The following TNS3 variants were observed in gnomAD, a reference collection of about 807,000 sequenced individuals.
TNS3 encodes tensin 3, also known as tensin-3.
TNS3 carries 45 observed loss-of-function variants against 140.9 expected under a neutral mutation model. That is an observed-to-expected ratio of 0.32 (90% CI 0.25 to 0.41). TNS3 has a LOEUF of 0.41. Ranked by LOEUF, TNS3 falls within the 10% of genes least tolerant of loss-of-function variation. The probability of loss-of-function intolerance (pLI) is 1.00; values close to 1 mark genes in which losing one functional copy is unlikely to be tolerated. For missense variants in TNS3, 1,716 were observed against 1,906.7 expected (o/e 0.90, Z 1.86); for synonymous variants, 815 against 788.4 (o/e 1.03, Z -0.56).
chr7:47,409,241 G>T (rs943911954), intron 13 of TNS3, among the ~76,000 whole-genome samples: 1 of 151,956 alleles, frequency 6.6e-6, no homozygotes, highest in African/African-American at 2.4e-5. Context: ...GAGAGGAGAG[G>T]AGCCAGGCAC....
At chr7:47,398,504 CA>C (rs1425688722) in intron 15 of TNS3, among the ~76,000 whole-genome samples, 14 of 152,068 alleles carry the variant, frequency 9.2e-5, no homozygotes, top group African/African-American at 3.4e-4. Context: ...TCCCAGGAAG[CA>C]GGGGTGATTT....
At chr7:47,317,017 T>A (rs1787453029) in intron 20 of TNS3, among the ~76,000 whole-genome samples, 1 of 152,158 alleles carries the variant, frequency 6.6e-6, no homozygotes, top group Admixed American at 6.5e-5. Flanking sequence ...CACAAATGGA[T>A]AAATAAATAC....
At chr7:47,327,388 C>CT (rs1788083208) in intron 20 of TNS3, among the ~76,000 whole-genome samples, 1 of 152,228 alleles carries the variant, frequency 6.6e-6, no homozygotes, top group Admixed American at 6.5e-5. Context: ...CTAACGCTTG[C>CT]TTTCGGCATT....
intron 4 of TNS3, among the ~76,000 whole-genome samples, chr7:47,448,044 G>A (rs1795837286): frequency 6.6e-6 from 1 of 152,252 alleles, no homozygotes; most frequent in Admixed American, 6.5e-5. Flanking sequence ...AGGGGAGGCT[G>A]TGGACTGCTG....
chr7:47,389,042 GA>G (rs1419828094), intron 16 of TNS3, among the ~76,000 whole-genome samples: 2 of 39,314 alleles, frequency 5.1e-5, no homozygotes, highest in African/African-American at 2.5e-4. Flanking sequence ...AGAAGAAGAA[GA>G]AGAAGAAGAA....
chr7:47,304,914 C>A lies in TNS3; in HGVS notation c.2740G>T (p.Ala914Ser). The A allele has an allele frequency of 7.0e-7, 1 of 1,437,138 alleles. No homozygotes were observed. The highest frequency in any genetic ancestry group is 1.6e-5 in the South Asian group (1 of 63,548). The allele number at this position is 1,437,138 out of a possible 1,614,324, so 89.0% of individuals were successfully genotyped here. A position where few individuals can be genotyped will look rare whatever the true frequency, so the allele number is the denominator to read the frequency against. ...GPKSTMLRAD[A>S]SSTPSFQQAF... ...TGCTGAAAGGAGGGCGTCGAGGACG[C>A]ATCAGCCCGGAGCATCGTGGATTTG... Residue 914 changes from alanine to serine, a missense_variant, in exon 21 of 31, where the codon GCG becomes TCG. Ala to Ser is a moderately conservative substitution (Grantham distance 99). This residue lies in a region of TNS3 where 1,163 missense variants were observed against 1,182.1 expected (regional missense o/e 0.98). Transcript: ENST00000311160.
chr7:47,553,412 A>G (rs559259608), intron 1 of TNS3, among the ~76,000 whole-genome samples: 2 of 152,354 alleles, frequency 1.3e-5, no homozygotes, highest in Admixed American at 6.5e-5. Flanking sequence ...GGCTAAGGCA[A>G]CTAATGCCTG....
At chr7:47,510,558 A>T (rs1798570550) in intron 2 of TNS3, among the ~76,000 whole-genome samples, 2 of 152,202 alleles carry the variant, frequency 1.3e-5, no homozygotes, top group Admixed American at 6.5e-5. Flanking sequence ...TGAGATTTCA[A>T]GTGAAAATTA....
intron 2 of TNS3, among the ~76,000 whole-genome samples, chr7:47,524,827 A>AAAAAAAAAAAAAAAAAC: frequency 6.8e-6 from 1 of 147,240 alleles, no homozygotes; most frequent in African/African-American, 2.5e-5. Context: ...AAAAAAAAAA[A>AAAAAAAAAAAAAAAAAC]AAAAAAAAAG....
intron 16 of TNS3, among the ~76,000 whole-genome samples, chr7:47,382,512 C>T (rs1190018344): frequency 6.6e-6 from 1 of 152,182 alleles, no homozygotes. Context: ...TCTTTTGAAG[C>T]TTTGCTGATG....
At chr7:47,377,992 AG>A (rs142953262) in intron 16 of TNS3, among the ~76,000 whole-genome samples, 2,325 of 152,230 alleles carry the variant, frequency 0.015, 33 homozygotes, top group African/African-American at 0.046. Flanking sequence ...TCCAGGCTTG[AG>A]TCCTGGCTTG....
intron 20 of TNS3, among the ~76,000 whole-genome samples, chr7:47,332,773 A>T (rs74622539): frequency 0.015 from 2,250 of 152,296 alleles, 42 homozygotes; most frequent in African/African-American, 0.051. Flanking sequence ...GATTTAAAAG[A>T]TGCTTTCAGA....
chr7:47,384,733 T>C (rs1791976539), intron 16 of TNS3, among the ~76,000 whole-genome samples: 1 of 151,920 alleles, frequency 6.6e-6, no homozygotes, highest in Non-Finnish European at 1.5e-5. Context: ...CACAGTGGAG[T>C]CACAGCCAAT....
intron 9 of TNS3, among the ~76,000 whole-genome samples, chr7:47,425,602 G>A (rs943117392): frequency 6.6e-6 from 1 of 152,198 alleles, no homozygotes; most frequent in Admixed American, 6.5e-5. Flanking sequence ...TTAGCACCGA[G>A]TCCATCACAT....
intron 2 of TNS3, among the ~76,000 whole-genome samples, chr7:47,516,463 G>A (rs1159413565): frequency 1.3e-5 from 2 of 152,178 alleles, no homozygotes; most frequent in Non-Finnish European, 2.9e-5. Flanking sequence ...TCAACTCAGT[G>A]AGCAGCATCC....
intron 16 of TNS3, among the ~76,000 whole-genome samples, chr7:47,375,904 G>A (rs1449974727): frequency 1.3e-5 from 2 of 152,230 alleles, no homozygotes; most frequent in African/African-American, 2.4e-5. Context: ...AAATCTGATA[G>A]ATTTATGAAG....
chr7:47,414,027 G>A (rs2151424342), intron 11 of TNS3, 30 bp from the exon 12 acceptor site: 2 of 1,612,180 alleles, frequency 1.2e-6, no homozygotes, highest in East Asian at 4.5e-5. Flanking sequence ...GTCTGTAGAG[G>A]CATGACCGGT....
rs994338620 is a variant in TNS3 at position 47,400,886 on chromosome 7, G to A, written c.752C>T (p.Ser251Leu). Reference protein sequence around the residue: ...MVKCYHKKYRSATRDVIFRLQ... With the variant: ...MVKCYHKKYRLATRDVIFRLQ... Reference sequence around the variant, plus strand: ...GCGGAAAATGACGTCACGGGTGGCCGAGCGGTATTTCTTGTGGTAGCATTT... The same window carrying A: ...GCGGAAAATGACGTCACGGGTGGCCAAGCGGTATTTCTTGTGGTAGCATTT... Residue 251 changes from serine to leucine, a missense_variant, in exon 14 of 31, where the codon TCG (serine) becomes TTG (leucine). By Grantham distance (145) the Ser-to-Leu change is moderately radical. Around this residue, in one of 3 missense-constraint regions of TNS3, gnomAD observed 337 missense variants for 428.9 expected, o/e 0.79. Coordinates refer to ENST00000311160, the MANE Select transcript of TNS3 (RefSeq NM_022748.12). The A allele has an allele frequency of 1.5e-5, 24 of 1,614,092 alleles. No homozygotes were observed. Among genetic ancestry groups the A allele is most frequent in the East Asian group, 4.5e-5 (2 of 44,902 alleles).
chr7:47,304,839 T>C lies in TNS3; in HGVS notation c.2815A>G (p.Arg939Gly), dbSNP rs1383038368. Residue 939 changes from arginine to glycine, a missense_variant, in exon 21 of 31, where the codon AGA (arginine) becomes GGA (glycine). Physicochemically the swap from Arg to Gly is moderately radical, Grantham distance 125. Around this residue, in one of 3 missense-constraint regions of TNS3, gnomAD observed 1,163 missense variants for 1,182.1 expected, o/e 0.98. Coordinates refer to ENST00000311160, the MANE Select transcript of TNS3 (RefSeq NM_022748.12). The stretch of plus-strand genomic sequence containing the variant: ...AAAGATCCATCTTCTTACCTCTCTC[T>C]CCTCTGCCCAGGGCCGTTGCTGGAA... ...TISSNGPGQR[R>G]ESSSSAERQW... 1.5e-6 allele frequency: 2 copies of C among 1,359,172 alleles called. No individual in the cohort carries two copies. Among genetic ancestry groups the C allele is most frequent in the African/African-American group, 3.0e-5 (2 of 66,818 alleles). The allele number at this position is 1,359,172 out of a possible 1,614,324, so 84.2% of individuals were successfully genotyped here.
Sources: allele counts gnomAD v4.1 joint callset (sites outside exome capture counted in the v4.1 genomes callset), GRCh38; gene constraint gnomAD v4.1.1; regional missense constraint gnomAD v4.1.1; transcripts MANE v1.5; gene names NCBI Gene and HGNC (gene_info 2026-07-23, HGNC 2026-07-21).